FER1L6: variants seen among roughly 807,000 people sequenced by gnomAD.
FER1L6 encodes the protein fer-1-like protein 6.
Under a neutral mutation model 219.2 loss-of-function variants are expected in FER1L6, and 177 were observed. That is an observed-to-expected ratio of 0.81 (90% CI 0.71 to 0.91). The LOEUF is 0.91. Among genes scored for constraint, FER1L6 ranks in the 40% least tolerant of loss-of-function variants. The pLI, the probability that FER1L6 is intolerant of heterozygous loss-of-function variation, is 0.00. For synonymous variants in FER1L6, 768 were observed against 824.3 expected, an observed-to-expected ratio of 0.93 and a Z score of 1.17; for missense variants, 2,153 against 2,259.9, an observed-to-expected ratio of 0.95 and a Z score of 0.96.
intron 15 of FER1L6, among the ~76,000 whole-genome samples, chr8:124,017,028 T>A (rs778752439): frequency 6.6e-6 from 1 of 152,140 alleles, no homozygotes; most frequent in Non-Finnish European, 1.5e-5. Flanking sequence ...TATTATTCAT[T>A]TTTATAGGTA....
chr8:124,038,642 G>C (rs563884883), intron 19 of FER1L6, among the ~76,000 whole-genome samples: 1 of 152,100 alleles, frequency 6.6e-6, no homozygotes, highest in African/African-American at 2.4e-5. Context: ...ATAACCCTAT[G>C]AGGAACTATT....
At chr8:123,885,612 T>A (rs1235247977) in intron 1 of FER1L6, among the ~76,000 whole-genome samples, 2 of 152,212 alleles carry the variant, frequency 1.3e-5, no homozygotes, top group African/African-American at 4.8e-5. Context: ...ATTTCACAGA[T>A]GAGGAAACTG....
intron 13 of FER1L6, 46 bp downstream of exon 13, chr8:124,003,393 A>T: frequency 7.1e-7 from 1 of 1,408,474 alleles, no homozygotes; most frequent in Non-Finnish European, 9.7e-7. Flanking sequence ...TTGCTGGTGG[A>T]ATTTTGTCCA....
At chr8:123,866,020 A>T (rs940937643) in intron 1 of FER1L6, among the ~76,000 whole-genome samples, 3 of 151,308 alleles carry the variant, frequency 2.0e-5, no homozygotes, top group Non-Finnish European at 4.4e-5. Flanking sequence ...ACATTTTCTT[A>T]ATCCAGTCTA....
At chr8:123,919,620 A>G (rs1402363214) in intron 1 of FER1L6, among the ~76,000 whole-genome samples, 1 of 152,246 alleles carries the variant, frequency 6.6e-6, no homozygotes, top group African/African-American at 2.4e-5. Context: ...TGCATGGCTC[A>G]GTGCAAAATG....
chr8:123,964,517 C>T (rs1243507040), intron 3 of FER1L6, among the ~76,000 whole-genome samples: 1 of 152,082 alleles, frequency 6.6e-6, no homozygotes, highest in African/African-American at 2.4e-5. Context: ...GTGTACACAC[C>T]TACTCACTGC....
chr8:123,985,845 G>A (rs1022111920), intron 11 of FER1L6: 6 of 466,708 alleles, frequency 1.3e-5, no homozygotes, highest in Non-Finnish European at 1.9e-5. Context: ...AAGCTCAGAA[G>A]GTTGAGACTG....
chr8:124,105,557 G>C (rs1822731849), intron 39 of FER1L6, among the ~76,000 whole-genome samples: 1 of 152,198 alleles, frequency 6.6e-6, no homozygotes, highest in South Asian at 2.1e-4. Flanking sequence ...GCTGAAATAG[G>C]AACTCAGAGA....
chr8:123,897,113 A>T (rs943599825), intron 1 of FER1L6, among the ~76,000 whole-genome samples: 4 of 152,118 alleles, frequency 2.6e-5, no homozygotes, highest in Admixed American at 2.6e-4. Context: ...ATCATGATAC[A>T]TCTACAATCA....
intron 1 of FER1L6, among the ~76,000 whole-genome samples, chr8:123,872,357 T>C (rs559900356): frequency 6.6e-6 from 1 of 152,182 alleles, no homozygotes; most frequent in African/African-American, 2.4e-5. Flanking sequence ...CAAATCACAA[T>C]TGAGGGAACT....
chr8:124,001,978 G>A (rs1335441474), intron 12 of FER1L6, among the ~76,000 whole-genome samples: 1 of 152,190 alleles, frequency 6.6e-6, no homozygotes, highest in Non-Finnish European at 1.5e-5. Context: ...CTCAGGAGAA[G>A]TGGGTGACGG....
At chr8:124,108,175 C>G (rs936412253) in intron 39 of FER1L6, among the ~76,000 whole-genome samples, 16 of 152,106 alleles carry the variant, frequency 1.1e-4, no homozygotes, top group African/African-American at 3.6e-4. Context: ...CCCTGGGCAA[C>G]ACAGTGAGAC....
intron 1 of FER1L6, among the ~76,000 whole-genome samples, chr8:123,899,741 C>T (rs961190924): frequency 6.6e-6 from 1 of 152,090 alleles, no homozygotes; most frequent in Non-Finnish European, 1.5e-5. Context: ...TATCCCAGCA[C>T]CATTTGTTGA....
At chr8:124,091,853 G>T in intron 34 of FER1L6, among the ~76,000 whole-genome samples, 1 of 151,904 alleles carries the variant, frequency 6.6e-6, no homozygotes, top group Non-Finnish European at 1.5e-5. Flanking sequence ...TGTAATCCCA[G>T]CTACTGGGGA....
At chr8:124,076,428 G>T (rs1182923994) in intron 32 of FER1L6, 103 bp downstream of exon 32, 18 of 1,130,872 alleles carry the variant, frequency 1.6e-5, no homozygotes, top group Non-Finnish European at 2.0e-5. Context: ...GGGTGAAATG[G>T]TTCCAGGAGG....
chr8:124,066,354 T>C, intron 26 of FER1L6, 74 bp from the exon 27 acceptor site: 1 of 1,551,200 alleles, frequency 6.4e-7, no homozygotes, highest in East Asian at 2.3e-5. Context: ...GTTTTCTTCC[T>C]CACAAGCCAG....
chr8:123,893,247 G>T (rs562601430), intron 1 of FER1L6, among the ~76,000 whole-genome samples: 1 of 152,026 alleles, frequency 6.6e-6, no homozygotes, highest in Admixed American at 6.6e-5. Flanking sequence ...AGCAGGTTTC[G>T]GACAACTTTG....
chr8:123,990,523 C>G (rs1401935311), intron 12 of FER1L6, among the ~76,000 whole-genome samples: 1 of 151,886 alleles, frequency 6.6e-6, no homozygotes, highest in East Asian at 1.9e-4. Context: ...TTTGTATTAT[C>G]TTCTTTTGAG....
chr8:123,925,419 A>G lies in FER1L6; in HGVS notation c.-7-30573A>G, dbSNP rs150639061. ...TCAGGACAGAGCTGGAAGTTACAGC[A>G]TCATATTGACCAACATCCTGTCAGC... On this transcript the variant is annotated intron_variant, in intron 1 of 40. Transcript: ENST00000522917. 4.0e-3 allele frequency among the ~76,000 whole-genome samples: 610 copies of G among 152,356 alleles called. 4 individuals are homozygous for G. Among genetic ancestry groups the G allele is most frequent in the African/African-American group, 0.014 (575 of 41,584 alleles).
Sources: allele counts gnomAD v4.1 joint callset (sites outside exome capture counted in the v4.1 genomes callset), GRCh38; gene constraint gnomAD v4.1.1; transcripts MANE v1.5; gene names NCBI Gene and HGNC (gene_info 2026-07-23, HGNC 2026-07-21).